Variants in NUP214 observed in about 807,000 individuals in gnomAD.
The protein encoded by NUP214 is nuclear pore complex protein Nup214.
Under a neutral mutation model 196.2 loss-of-function variants are expected in NUP214, and 79 were observed. That is an observed-to-expected ratio of 0.40 (90% CI 0.34 to 0.49). The LOEUF (loss-of-function observed/expected upper bound fraction) is 0.49, where lower values mean the gene tolerates loss of function less well. Among genes scored for constraint, NUP214 ranks in the 20% least tolerant of loss-of-function variants. The pLI is 0.58. For synonymous variants in NUP214, 1,020 were observed against 990.5 expected (o/e 1.03, Z -0.56); for missense variants, 2,468 against 2,539.0 (o/e 0.97, Z 0.60).
chr9:131,198,102 T>A lies in NUP214; in HGVS notation c.4608T>A (p.Ser1536=). 1 of 1,614,192 alleles carries A rather than the reference T, an allele frequency of 6.2e-7. No homozygotes were observed. The highest frequency in any genetic ancestry group is 1.1e-5 in the South Asian group (1 of 91,082). ...LPQAPPQTSD[S]VKKEPVLAQP... The stretch of plus-strand genomic sequence containing the variant: ...AGGCTCCTCCGCAAACTTCTGACTC[T>A]GTTAAAAAAGAACCTGTTCTTGCCC... Residue 1536 remains serine (S), a synonymous_variant, in exon 29 of 36, where the codon TCT becomes TCA. Transcript: ENST00000359428.
rs1163483848 is a variant in NUP214, at chr9:131,128,498, T to C, written c.393+15T>C. On this transcript the variant is annotated intron_variant, in intron 3 of 35. Transcript: ENST00000359428. ...TCTCAAATGAGGTAAGCTACTGTTA[T>C]ACTGTGATGTCAACATGAGAACCCT... is the stretch of plus-strand genomic sequence containing the variant. 7 of 1,596,792 alleles carry C rather than the reference T, an allele frequency of 4.4e-6. No individual in the cohort carries two copies. Among genetic ancestry groups the C allele is most frequent in the African/African-American group, 4.0e-5 (3 of 74,498 alleles).
intron 30 of NUP214, among the ~76,000 whole-genome samples, chr9:131,214,140 C>G (rs911966285): frequency 6.6e-6 from 1 of 151,838 alleles, no homozygotes; most frequent in Non-Finnish European, 1.5e-5. Flanking sequence ...AGGGGATACC[C>G]TAGGGGGTGG....
At chr9:131,208,961 C>T (rs545894091) in intron 30 of NUP214, among the ~76,000 whole-genome samples, 43 of 151,404 alleles carry the variant, frequency 2.8e-4, no homozygotes, top group Admixed American at 2.6e-3. Context: ...TGCAGTGAGC[C>T]GAGATCACGC....
chr9:131,221,829 C>T (rs1474635477), intron 31 of NUP214, among the ~76,000 whole-genome samples: 1 of 151,972 alleles, frequency 6.6e-6, no homozygotes, highest in Non-Finnish European at 1.5e-5. Flanking sequence ...TTATTCCTTC[C>T]CTTCCCACCA....
chr9:131,227,942 CTTTTG>C (rs1406175794), intron 32 of NUP214, among the ~76,000 whole-genome samples: 1 of 64,906 alleles, frequency 1.5e-5, no homozygotes. Context: ...GGTTTGAGGG[CTTTTG>C]TTTTGTTGTT....
intron 34 of NUP214, 65 bp downstream of exon 34, chr9:131,230,834 A>C: frequency 6.5e-7 from 1 of 1,544,430 alleles, no homozygotes; most frequent in Non-Finnish European, 8.8e-7. Context: ...CCCCCAAAGA[A>C]ATGAGTATGT....
rs1384391096 is a variant in NUP214, at chr9:131,125,931, C to T, written c.45+182C>T. The T allele has an allele frequency of 4.3e-6, 3 of 700,440 alleles. No individual in the cohort carries two copies. The highest frequency in any genetic ancestry group is 7.2e-6 in the Non-Finnish European group (3 of 414,970). The allele number at this position is 700,440 out of a possible 1,614,324, so 43.4% of individuals were successfully genotyped here. ...TGATAGCCCCACCGAATGCAGTTTCCCAGTCCCATCCTGGTCTCGTGCACG... is the reference window on the plus strand; with the variant it reads ...TGATAGCCCCACCGAATGCAGTTTCTCAGTCCCATCCTGGTCTCGTGCACG... On this transcript the variant is annotated intron_variant, in intron 1 of 35. Coordinates refer to ENST00000359428, the MANE Select transcript of NUP214 (RefSeq NM_005085.4). This position sits in a 1 kb window ranked among gnomAD's most constrained non-coding sequence, Gnocchi z 4.1.
chr9:131,161,978 C>A (rs1832651715), intron 18 of NUP214, among the ~76,000 whole-genome samples: 1 of 152,136 alleles, frequency 6.6e-6, no homozygotes, highest in South Asian at 2.1e-4. Context: ...AACACAAATT[C>A]GTAAACTTTC....
intron 9 of NUP214, 77 bp from the exon 10 acceptor site, chr9:131,139,204 C>T: frequency 1.5e-6 from 2 of 1,368,380 alleles, no homozygotes; most frequent in South Asian, 3.5e-5. Flanking sequence ...TTAGGAGGAA[C>T]CAATGCAAAG....
At chr9:131,171,787 AGT>A (rs1188263404) in intron 21 of NUP214, among the ~76,000 whole-genome samples, 4 of 151,960 alleles carry the variant, frequency 2.6e-5, no homozygotes, top group Non-Finnish European at 4.4e-5. Flanking sequence ...CCCACCTGTG[AGT>A]GAGAACATGC....
At chr9:131,209,990 G>A (rs1834193391) in intron 30 of NUP214, among the ~76,000 whole-genome samples, 1 of 152,156 alleles carries the variant, frequency 6.6e-6, no homozygotes, top group South Asian at 2.1e-4. Context: ...CCAGAGGTGA[G>A]CTCAGTCTTC....
At position 131,233,691 on chromosome 9, in the gene NUP214, T is replaced by C; in HGVS notation, c.*204T>C. On this transcript the variant is annotated 3_prime_UTR_variant, in exon 36 of 36. Coordinates refer to ENST00000359428, the MANE Select transcript of NUP214 (RefSeq NM_005085.4). ...GGTTTTCCCTCCCACTATTAAACAG[T>C]CTGTTTCCGTACAGAACGTATGTGG... The C allele has an allele frequency of 1.5e-6, 1 of 647,496 alleles. No individual in the cohort carries two copies. Among genetic ancestry groups the C allele is most frequent in the Non-Finnish European group, 2.8e-6 (1 of 353,978 alleles). The allele number at this position is 647,496 out of a possible 1,614,324, so 40.1% of individuals were successfully genotyped here. A position where few individuals can be genotyped will look rare whatever the true frequency, so the allele number is the denominator to read the frequency against.
At chr9:131,148,482 G>C (rs1832150008) in intron 14 of NUP214, among the ~76,000 whole-genome samples, 1 of 152,166 alleles carries the variant, frequency 6.6e-6, no homozygotes, top group African/African-American at 2.4e-5. Flanking sequence ...ATCCCTATGA[G>C]TGAGATTGCT....
At position 131,144,300 on chromosome 9, in the gene NUP214, A is replaced by C. The variant is rs1006508056; in HGVS notation, c.1315A>C (p.Thr439Pro). The change falls in exon 12 of 36, where the codon ACC becomes CCC. Residue 439 changes from threonine to proline, a missense_variant. Thr to Pro is a conservative substitution (Grantham distance 38). This residue lies in a region of NUP214 where 1,801 missense variants were observed against 1,779.4 expected (regional missense o/e 1.01). Transcript: ENST00000359428. ...KSPGSTPTTP[T>P]SSQAPQKLDA... Reference sequence around the variant, plus strand: ...TGCAGGAAGTACTCCCACTACCCCAACCTCCTCTCAAGCCCCACAGAAACT... The same window carrying C: ...TGCAGGAAGTACTCCCACTACCCCACCCTCCTCTCAAGCCCCACAGAAACT... The C allele has an allele frequency of 3.1e-6, 5 of 1,612,940 alleles. No homozygotes were observed. Among genetic ancestry groups the C allele is most frequent in the Non-Finnish European group, 4.2e-6 (5 of 1,179,708 alleles).
chr9:131,160,208 A>G (rs1024785351), intron 18 of NUP214, among the ~76,000 whole-genome samples: 1 of 152,156 alleles, frequency 6.6e-6, no homozygotes, highest in Non-Finnish European at 1.5e-5. Flanking sequence ...ATTAGATGTA[A>G]TATAAAAATT....
Position 131,180,711 on chromosome 9 carries a change from G to A in NUP214, c.3419+2301G>A, listed in dbSNP as rs562089451. ...TTGATTCAGCAGATTCTTACACAGC[G>A]TCTGCTGTGAGCATGATACTGCCCT... On this transcript the variant is annotated intron_variant, in intron 24 of 35. Transcript: ENST00000359428. 2.6e-5 allele frequency among the ~76,000 whole-genome samples: 4 copies of A among 152,294 alleles called. No homozygotes were observed. In the East Asian group the frequency reaches 5.8e-4, roughly 22 times the overall value.
chr9:131,215,257 G>A lies in NUP214; in HGVS notation c.5638G>A (p.Gly1880Arg). The change falls in exon 31 of 36, where the codon GGA becomes AGA. Residue 1880 changes from glycine (G) to arginine (R), a missense_variant. This residue lies in a region of NUP214 where 262 missense variants were observed against 296.5 expected (regional missense o/e 0.88). Transcript: ENST00000359428. ...SGSVFGSGNT[G>R]RGGGFFSGLG... ...TAGCGTGTTTGGGTCTGGAAACACT[G>A]GAAGAGGGGGAGGTTTCTTCAGTGG... The A allele has an allele frequency of 6.2e-7, 1 of 1,601,854 alleles. No individual in the cohort carries two copies. Among genetic ancestry groups the A allele is most frequent in the African/African-American group, 1.3e-5 (1 of 74,132 alleles).
intron 18 of NUP214, among the ~76,000 whole-genome samples, chr9:131,160,512 A>G (rs540402231): frequency 1.3e-3 from 196 of 152,196 alleles, no homozygotes; most frequent in Non-Finnish European, 1.4e-3. Flanking sequence ...GTAGAATGTC[A>G]TGCACCATGA....
chr9:131,223,370 T>C (rs1834616767), intron 32 of NUP214, among the ~76,000 whole-genome samples: 1 of 152,050 alleles, frequency 6.6e-6, no homozygotes, highest in Non-Finnish European at 1.5e-5. Context: ...TTTCACCATG[T>C]TGGGCAGTCT....
Sources: allele counts gnomAD v4.1 joint callset (sites outside exome capture counted in the v4.1 genomes callset), GRCh38; gene constraint gnomAD v4.1.1; regional missense constraint gnomAD v4.1.1; non-coding constraint Gnocchi (gnomAD v3.1); transcripts MANE v1.5; gene names NCBI Gene and HGNC (gene_info 2026-07-23, HGNC 2026-07-21).